The following RBL2 variants were observed in gnomAD, a reference collection of about 807,000 sequenced individuals.
RBL2 encodes the protein RB transcriptional corepressor like 2, also known as retinoblastoma-like protein 2.
A neutral mutation model predicts 126.0 loss-of-function variants in RBL2; 56 were observed. That is an observed-to-expected ratio of 0.44 (90% CI 0.36 to 0.56). The LOEUF is 0.56. RBL2 is among the 20% of genes least tolerant of loss of function. RBL2 has a pLI of 0.00. For missense variants in RBL2, 1,229 were observed against 1,398.2 expected (o/e 0.88, Z 1.93); for synonymous variants, 454 against 478.5 (o/e 0.95, Z 0.67).
chr16:53,447,060 G>T lies in RBL2; in HGVS notation c.591G>T (p.Val197=). The change falls in exon 4 of 22, where the codon GTG becomes GTT. Residue 197 remains valine (V), a synonymous_variant. Transcript: ENST00000262133. ...GRKQRRQPCT[V]SEIFHFCWVL... is the part of the protein sequence containing the mutation. Reference sequence around the variant, plus strand: ...CCCAAAGGCGACAGCCCTGTACTGTGTCTGAAATTTTCCATTTTTGTTGGG... The same window carrying T: ...CCCAAAGGCGACAGCCCTGTACTGTTTCTGAAATTTTCCATTTTTGTTGGG... 6.3e-7 allele frequency: 1 copy of T among 1,592,200 alleles called. No homozygotes were observed. Among genetic ancestry groups the T allele is most frequent in the South Asian group, 1.1e-5 (1 of 87,120 alleles).
intron 8 of RBL2, among the ~76,000 whole-genome samples, chr16:53,457,128 T>C (rs1421930284): frequency 6.6e-6 from 1 of 151,986 alleles, no homozygotes; most frequent in African/African-American, 2.4e-5. Context: ...AAATTAGAGA[T>C]GTCTTTTAAG....
intron 19 of RBL2, chr16:53,480,256 A>G (rs1242010474): frequency 4.2e-5 from 22 of 525,872 alleles, no homozygotes; most frequent in Non-Finnish European, 6.0e-5. Context: ...TGATATGTCA[A>G]TTGGAACCAT....
intron 4 of RBL2, among the ~76,000 whole-genome samples, chr16:53,447,424 A>G (rs1056871592): frequency 6.6e-6 from 1 of 151,948 alleles, no homozygotes; most frequent in Non-Finnish European, 1.5e-5. Context: ...TGTGAACTCT[A>G]TTTTTCATGA....
At chr16:53,435,191 G>T (rs2153136721) in intron 1 of RBL2, among the ~76,000 whole-genome samples, 1 of 152,280 alleles carries the variant, frequency 6.6e-6, no homozygotes, top group South Asian at 2.1e-4. Context: ...CGATTAACCG[G>T]GTTGTGGCAC....
Position 53,464,274 on chromosome 16 carries a change from C to T in RBL2, c.1609C>T (p.Leu537Phe), listed in dbSNP as rs147205363. Residue 537 changes from leucine to phenylalanine, a missense_variant, in exon 12 of 22, where the codon CTT becomes TTT. Physicochemically the swap from Leu to Phe is conservative, Grantham distance 22. Transcript: ENST00000262133. ...CCACAGATCTCTCTTGGCCTGCTGC[C>T]TTGAGGTCGTCACTTTTTCTTATAA... ...AFHRSLLACC[L>F]EVVTFSYKPP... is the part of the protein sequence containing the mutation. 1.2e-6 allele frequency: 2 copies of T among 1,604,050 alleles called. No homozygotes were observed. The highest frequency in any genetic ancestry group is 2.7e-5 in the African/African-American group (2 of 74,640).
chr16:53,470,942 G>T lies in RBL2; in HGVS notation c.2703+20G>T, dbSNP rs764077782. 2.4e-5 allele frequency: 38 copies of T among 1,594,876 alleles called. No individual in the cohort carries two copies. The highest frequency in any genetic ancestry group is 2.7e-5 in the Non-Finnish European group (32 of 1,170,870). ...GCAAAGGTGAGTACCATTTGGAATT[G>T]TAAAGGCAAAGATAGGTCTTCATTA... On this transcript the variant is annotated intron_variant, in intron 17 of 21. Coordinates refer to ENST00000262133, the MANE Select transcript of RBL2 (RefSeq NM_005611.4).
At chr16:53,479,546 G>A in intron 18 of RBL2, 1 of 458,280 alleles carries the variant, frequency 2.2e-6, no homozygotes, top group Middle Eastern at 5.9e-4. Context: ...CCAACAGAAT[G>A]TCACATGGAA....
chr16:53,491,217 T>C lies in RBL2; in HGVS notation c.*917T>C, dbSNP rs1961425546. ...GATTAATATGAAAACTTATGACCTC[T>C]TCCTTTAGGAGGGAGTTATCTAAAA... On this transcript the variant is annotated 3_prime_UTR_variant, in exon 22 of 22. Coordinates refer to ENST00000262133, the MANE Select transcript of RBL2 (RefSeq NM_005611.4). 6.6e-6 allele frequency: 1 copy of C among 152,236 alleles called. No individual in the cohort carries two copies. The highest frequency in any genetic ancestry group is 1.5e-5 in the Non-Finnish European group (1 of 68,032). The allele number at this position is 152,236 out of a possible 1,614,324, so 9.4% of individuals were successfully genotyped here.
At chr16:53,469,120 C>T (rs2150812578) in intron 14 of RBL2, among the ~76,000 whole-genome samples, 1 of 152,256 alleles carries the variant, frequency 6.6e-6, no homozygotes, top group South Asian at 2.1e-4. Context: ...ATCCCAGTTA[C>T]TTGGGAGGCT....
At position 53,479,210 on chromosome 16, in the gene RBL2, G is replaced by A. The variant is rs1396801070; in HGVS notation, c.2760G>A (p.Pro920=). ...TTATGCGTTGTTATAGGACTCAGCC[G>A]CAGGCCCGGAGCCAGGTAACTACAT... is the stretch of plus-strand genomic sequence containing the variant. ...QNIMRCYRTQ[P]QARSQVYRSV... is the part of the protein sequence containing the mutation. Residue 920 remains proline, a synonymous_variant, in exon 18 of 22, where the codon CCG becomes CCA. Transcript: ENST00000262133. 8 of 1,613,380 alleles carry A rather than the reference G, an allele frequency of 5.0e-6. No individual in the cohort carries two copies. The highest frequency in any genetic ancestry group is 2.2e-5 in the East Asian group (1 of 44,868).
At chr16:53,455,489 G>C (rs1437489171) in intron 8 of RBL2, among the ~76,000 whole-genome samples, 2 of 152,168 alleles carry the variant, frequency 1.3e-5, no homozygotes, top group African/African-American at 4.8e-5. Context: ...GTTGTGTCCT[G>C]GACACTGGAG....
At chr16:53,478,124 A>G (rs1234606689) in intron 17 of RBL2, among the ~76,000 whole-genome samples, 1 of 152,124 alleles carries the variant, frequency 6.6e-6, no homozygotes, top group Non-Finnish European at 1.5e-5. Context: ...TCTTAGTTTA[A>G]TATTTTTTCT....
At chr16:53,461,540 AGTT>A (rs1224622537) in intron 9 of RBL2, among the ~76,000 whole-genome samples, 198 bp from the exon 10 acceptor site, 2 of 146,436 alleles carry the variant, frequency 1.4e-5, no homozygotes, top group African/African-American at 5.1e-5. Flanking sequence ...CCACAAGAAA[AGTT>A]TTTTTTTTTT....
chr16:53,461,646 T>C, intron 9 of RBL2, 95 bp from the exon 10 acceptor site: 1 of 824,532 alleles, frequency 1.2e-6, no homozygotes, highest in Non-Finnish European at 1.8e-6. Context: ...TCAGAGTGTT[T>C]TATATTTACA....
At chr16:53,483,299 G>A (rs953632152) in intron 21 of RBL2, among the ~76,000 whole-genome samples, 2 of 152,076 alleles carry the variant, frequency 1.3e-5, no homozygotes, top group African/African-American at 4.8e-5. Context: ...AGTGCCTCAC[G>A]CCTGTAATCC....
chr16:53,491,537 T>TTGTTCAATTAGAATAGTGTTC lies in RBL2; in HGVS notation c.*1240_*1260dup, dbSNP rs1961456325. The TTGTTCAATTAGAATAGTGTTC allele has an allele frequency of 2.0e-5, 3 of 152,598 alleles. No homozygotes were observed. In the South Asian group the frequency reaches 6.2e-4, roughly 32 times the overall value. 9.5% of individuals were successfully genotyped at this position (152,598 alleles called of 1,614,324 possible). A position where few individuals can be genotyped will look rare whatever the true frequency, so the allele number is the denominator to read the frequency against. On this transcript the variant is annotated 3_prime_UTR_variant, in exon 22 of 22. Transcript: ENST00000262133. ...TGCTGAGAGAAATATGGAACTTACA[T>TTGTTCAATTAGAATAGTGTTC]TGTTCAATTAGAATAGTGTTCTGCA... is the stretch of plus-strand genomic sequence containing the variant.
At chr16:53,479,327 A>C in intron 18 of RBL2, 102 bp downstream of exon 18, 1 of 946,398 alleles carries the variant, frequency 1.1e-6, no homozygotes, top group Non-Finnish European at 1.6e-6. Flanking sequence ...TCCAAGATAA[A>C]CACCTGGGAC....
At position 53,453,453 on chromosome 16, in the gene RBL2, C is replaced by T; in HGVS notation, c.768C>T (p.Gly256=). ...GTTTTGTGATTCTATACACCATAGGCTTATCTGAAGATTTTCATGCTAAAG... is the reference window on the plus strand; with the variant it reads ...GTTTTGTGATTCTATACACCATAGGTTTATCTGAAGATTTTCATGCTAAAG... ...RKELVNPNFK[G]LSEDFHAKDS... Residue 256 remains glycine, a splice_region_variant and synonymous_variant, in exon 6 of 22, where the codon GGC becomes GGT. Coordinates refer to ENST00000262133, the MANE Select transcript of RBL2 (RefSeq NM_005611.4). 2 of 1,611,716 alleles carry T rather than the reference C, an allele frequency of 1.2e-6. No homozygotes were observed. The highest frequency in any genetic ancestry group is 1.7e-6 in the Non-Finnish European group (2 of 1,178,334).
intron 7 of RBL2, 117 bp from the exon 8 acceptor site, chr16:53,454,539 C>G: frequency 2.1e-6 from 2 of 970,276 alleles, no homozygotes; most frequent in African/African-American, 1.7e-5. Flanking sequence ...GTTACCCTAC[C>G]AAAGTTTAAC....
Sources: gnomAD v4.1 joint callset for allele counts (sites outside exome capture counted in the v4.1 genomes callset) on GRCh38, gnomAD v4.1.1 for gene constraint, MANE v1.5 for transcripts, NCBI Gene and HGNC (gene_info 2026-07-23, HGNC 2026-07-21) for gene names.